PIK3CD: variants seen among roughly 807,000 people sequenced by gnomAD.
PIK3CD encodes phosphatidylinositol 4,5-bisphosphate 3-kinase catalytic subunit delta isoform.
A neutral mutation model predicts 122.9 loss-of-function variants in PIK3CD; 20 were observed. The observed-to-expected ratio is 0.16, with a 90% CI of 0.11 to 0.24. The LOEUF (loss-of-function observed/expected upper bound fraction) is 0.24. Among genes scored for constraint, PIK3CD ranks in the 10% least tolerant of loss-of-function variants. The pLI is 1.00. For missense variants in PIK3CD, 787 were observed against 1,406.3 expected (o/e 0.56, Z 7.04); for synonymous variants, 596 against 593.4 (o/e 1.00, Z -0.06).
chr1:9,718,222 T>C lies in PIK3CD; in HGVS notation c.1021-472T>C, dbSNP rs1422033161. On this transcript the variant is annotated intron_variant, in intron 8 of 23. Transcript: ENST00000377346. This position sits in a 1 kb window ranked among gnomAD's most constrained non-coding sequence, Gnocchi z 7.2. ...TCGTATAAGCAGGGCAGGTCTGGGTTCCACTGGCAGGAATCGAGGGGGACT... is the reference window on the plus strand; with the variant it reads ...TCGTATAAGCAGGGCAGGTCTGGGTCCCACTGGCAGGAATCGAGGGGGACT... 4 of 467,774 alleles carry C rather than the reference T, an allele frequency of 8.6e-6. No homozygotes were observed. The highest frequency in any genetic ancestry group is 7.9e-5 in the African/African-American group (4 of 50,542). The allele number at this position is 467,774 out of a possible 1,614,324, so 29.0% of individuals were successfully genotyped here. A position where few individuals can be genotyped will look rare whatever the true frequency, so the allele number is the denominator to read the frequency against.
Position 9,692,455 on chromosome 1 carries a change from C to T in PIK3CD, c.-33+884C>T, listed in dbSNP as rs573549362. ...AAAAATCAAAATATAGGCCGGGTGC[C>T]GTGGCTCATGCCTGTAATCCTAGCA... On this transcript the variant is annotated intron_variant, in intron 2 of 23. Coordinates refer to ENST00000377346, the MANE Select transcript of PIK3CD (RefSeq NM_005026.5). 1.2e-4 allele frequency among the ~76,000 whole-genome samples: 18 copies of T among 152,154 alleles called. 1 individual carries two copies. The highest frequency in any genetic ancestry group is 6.2e-4 in the South Asian group (3 of 4,818).
the PIK3CD span, among the ~76,000 whole-genome samples, chr1:9,634,260 T>A: frequency 2.0e-4 from 31 of 151,356 alleles, no homozygotes; most frequent in African/African-American, 7.5e-4. Context: ...TTCAAGCGAT[T>A]CTCCTCAGAT....
At chr1:9,705,455 G>A (rs986163468) in intron 2 of PIK3CD, among the ~76,000 whole-genome samples, 5 of 152,012 alleles carry the variant, frequency 3.3e-5, no homozygotes, top group East Asian at 1.9e-4. Flanking sequence ...CTGTGATTGC[G>A]CCACTGCACT....
chr1:9,690,910 T>G (rs1013680342), intron 1 of PIK3CD, among the ~76,000 whole-genome samples: 1 of 152,106 alleles, frequency 6.6e-6, no homozygotes, highest in Non-Finnish European at 1.5e-5. Flanking sequence ...TTTCCCTCTT[T>G]GGGGTTCTGT....
chr1:9,634,543 C>G, the PIK3CD span, among the ~76,000 whole-genome samples: 3 of 152,134 alleles, frequency 2.0e-5, no homozygotes, highest in Non-Finnish European at 4.4e-5. Context: ...AAGTGATCTG[C>G]CCGCCTTGGC....
the PIK3CD span, among the ~76,000 whole-genome samples, chr1:9,636,204 T>A: frequency 6.6e-6 from 1 of 152,108 alleles, no homozygotes; most frequent in Non-Finnish European, 1.5e-5. Flanking sequence ...TCTGCATTTT[T>A]TTGGGGGGGG....
upstream of PIK3CD, among the ~76,000 whole-genome samples, chr1:9,648,930 G>A (rs1644631584): frequency 6.6e-6 from 1 of 152,192 alleles, no homozygotes; most frequent in East Asian, 1.9e-4. Flanking sequence ...GTGAAACCTC[G>A]TCTCTACTAA....
upstream of PIK3CD, among the ~76,000 whole-genome samples, chr1:9,648,415 T>G (rs1266191942): frequency 1.3e-5 from 2 of 152,242 alleles, no homozygotes; most frequent in Non-Finnish European, 2.9e-5. Context: ...GTCATCTGGC[T>G]GTTTCTTGAA....
chr1:9,683,037 CT>C lies in PIK3CD; in HGVS notation c.-137-8412del, dbSNP rs773555400. Reference sequence around the variant, plus strand: ...TCCCCACTGGGATTGGGCCCTGGACCTTTTTTTTTTTTTTTTTTGGGGGGCT... The same window carrying C: ...TCCCCACTGGGATTGGGCCCTGGACCTTTTTTTTTTTTTTTTTGGGGGGCT... On this transcript the variant is annotated intron_variant, in intron 1 of 23. Coordinates refer to ENST00000377346, the MANE Select transcript of PIK3CD (RefSeq NM_005026.5). Among the ~76,000 whole-genome samples the C allele has an allele frequency of 4.5e-3, 554 of 123,492 alleles. 3 individuals carry two copies. The highest frequency in any genetic ancestry group is 0.01 in the South Asian group (39 of 3,900). The allele number at this position is 123,492 out of a possible 152,430, so 81.0% of individuals were successfully genotyped here.
intron 1 of PIK3CD, among the ~76,000 whole-genome samples, chr1:9,659,187 A>C (rs913398859): frequency 2.0e-5 from 3 of 152,156 alleles, no homozygotes; most frequent in African/African-American, 7.2e-5. Flanking sequence ...GTGGGAGAGC[A>C]TCAGGATAAA....
In PIK3CD at chr1:9,727,269, C is replaced by A; in HGVS notation, c.*223C>A. On this transcript the variant is annotated 3_prime_UTR_variant, in exon 24 of 24. Transcript: ENST00000377346. Reference sequence around the variant, plus strand: ...CCTTCATGCAGCGGCGGTGCTGGGCCCCCCGAGGCTGCACCTGGCTCTCGG... The same window carrying A: ...CCTTCATGCAGCGGCGGTGCTGGGCACCCCGAGGCTGCACCTGGCTCTCGG... The A allele has an allele frequency of 1.7e-6, 1 of 587,886 alleles. No individual in the cohort carries two copies. Among genetic ancestry groups the A allele is most frequent in the Non-Finnish European group, 3.0e-6 (1 of 331,298 alleles). The allele number at this position is 587,886 out of a possible 1,614,324, so 36.4% of individuals were successfully genotyped here.
In PIK3CD at chr1:9,719,917, G is replaced by A. The variant is rs751422185; in HGVS notation, c.1243-4G>A. 2 of 1,613,188 alleles carry A rather than the reference G, an allele frequency of 1.2e-6. No homozygotes were observed. The highest frequency in any genetic ancestry group is 3.3e-5 in the Admixed American group (2 of 60,024). On this transcript the variant is annotated splice_polypyrimidine_tract_variant and splice_region_variant and intron_variant, in intron 9 of 23. Transcript: ENST00000377346. The surrounding 1 kb of genome is among the most constrained non-coding windows in gnomAD (Gnocchi z 5.5). ...CTGTCCTCACCTGCCCTGTCCTTCT[G>A]CAGGACTGCCCCATTGCCTGGGCCA...
intron 1 of PIK3CD, among the ~76,000 whole-genome samples, chr1:9,661,968 C>T (rs1483903900): frequency 6.6e-6 from 1 of 151,958 alleles, no homozygotes; most frequent in Non-Finnish European, 1.5e-5. Context: ...TGCACTCCAG[C>T]CTGGGTGACA....
chr1:9,647,014 G>A (rs1351120034), upstream of PIK3CD, among the ~76,000 whole-genome samples: 1 of 151,962 alleles, frequency 6.6e-6, no homozygotes, highest in East Asian at 1.9e-4. Context: ...GGGAGGCTGA[G>A]GTGGGAGAAT....
chr1:9,684,845 CAAA>C (rs200995845), intron 1 of PIK3CD, among the ~76,000 whole-genome samples: 3 of 108,802 alleles, frequency 2.8e-5, no homozygotes, highest in Non-Finnish European at 3.8e-5. Flanking sequence ...GACCCTGTCT[CAAA>C]AAAAAAAAAA....
chr1:9,684,762 GA>G (rs1418413268), intron 1 of PIK3CD, among the ~76,000 whole-genome samples: 2 of 147,238 alleles, frequency 1.4e-5, no homozygotes, highest in African/African-American at 5.0e-5. Context: ...GCTGAGGTGG[GA>G]GGATCACCTG....
rs559743414 is a variant in PIK3CD, at chr1:9,707,184, T to C, written c.-32-3240T>C. 7.3e-4 allele frequency among the ~76,000 whole-genome samples: 111 copies of C among 152,078 alleles called. 1 individual carries two copies. The Middle Eastern group carries it at 0.027, about 37-fold the overall frequency. Reference sequence around the variant, plus strand: ...TATGTGGTTCCCGTTGCCTTTCTCTTGGGCAACACTCAGCACTCTCCGATG... The same window carrying C: ...TATGTGGTTCCCGTTGCCTTTCTCTCGGGCAACACTCAGCACTCTCCGATG... On this transcript the variant is annotated intron_variant, in intron 2 of 23. Coordinates refer to ENST00000377346, the MANE Select transcript of PIK3CD (RefSeq NM_005026.5).
At chr1:9,702,397 C>T (rs1248679693) in intron 2 of PIK3CD, among the ~76,000 whole-genome samples, 2 of 151,406 alleles carry the variant, frequency 1.3e-5, no homozygotes, top group African/African-American at 4.9e-5. Context: ...GATGGGGCCG[C>T]CATCCAGTGG....
intron 1 of PIK3CD, chr1:9,653,865 T>G (rs757005917): frequency 7.3e-7 from 1 of 1,367,572 alleles, no homozygotes; most frequent in East Asian, 4.5e-5. Context: ...TTTGGTGCTT[T>G]CACAGAATGA....
Sources: gnomAD v4.1 joint callset for allele counts (sites outside exome capture counted in the v4.1 genomes callset) on GRCh38, gnomAD v4.1.1 for gene constraint, Gnocchi (gnomAD v3.1) non-coding constraint, MANE v1.5 for transcripts, NCBI Gene and HGNC (gene_info 2026-07-23, HGNC 2026-07-21) for gene names.